The following DEPTOR variants were observed in gnomAD, a reference collection of about 807,000 sequenced individuals.
DEPTOR encodes DEP domain-containing mTOR-interacting protein.
Under a neutral mutation model 41.6 loss-of-function variants are expected in DEPTOR, and 41 were observed. The ratio of observed to expected loss-of-function variants is 0.98; its 90% CI spans 0.77 to 1.28. The LOEUF (loss-of-function observed/expected upper bound fraction) is 1.28. Among genes scored for constraint, DEPTOR ranks in the 50% most tolerant of loss-of-function variants. The pLI, the probability that DEPTOR is intolerant of heterozygous loss-of-function variation, is 0.00. For missense variants in DEPTOR, 514 were observed against 527.9 expected, an observed-to-expected ratio of 0.97 and a Z score of 0.26; for synonymous variants, 195 against 192.3, an observed-to-expected ratio of 1.01 and a Z score of -0.12.
At position 120,015,143 on chromosome 8, in the gene DEPTOR, G is replaced by A. The variant is rs1812589658; in HGVS notation, c.1101+6010G>A. Among the ~76,000 whole-genome samples the A allele has an allele frequency of 5.9e-5, 9 of 152,236 alleles. No homozygotes were observed. The South Asian group carries it at 1.9e-3, about 32-fold the overall frequency. On this transcript the variant is annotated intron_variant, in intron 8 of 8. Transcript: ENST00000286234. ...CATCACAATAGGAATAAACTCAGAT[G>A]TTTTCTGTAGTCTACAAAGTTTATA...
At chr8:120,007,854 G>A (rs1204962404) in intron 7 of DEPTOR, among the ~76,000 whole-genome samples, 2 of 152,218 alleles carry the variant, frequency 1.3e-5, no homozygotes, top group Non-Finnish European at 2.9e-5. Flanking sequence ...TAACGGAAGT[G>A]CCTGAAAATC....
At chr8:119,874,054 T>G in intron 1 of DEPTOR, 86 bp downstream of exon 1, 2 of 1,575,016 alleles carry the variant, frequency 1.3e-6, no homozygotes, top group South Asian at 2.3e-5. Flanking sequence ...GCTCCCTGGC[T>G]CGTGGCTTGC....
chr8:120,003,135 G>T (rs762783059), intron 6 of DEPTOR, 24 bp downstream of exon 6: 9 of 1,607,528 alleles, frequency 5.6e-6, no homozygotes, highest in African/African-American at 1.3e-5. Flanking sequence ...AGGTGGCCCC[G>T]CTCCTAAGAC....
chr8:119,989,901 T>C (rs1232667601), intron 4 of DEPTOR, among the ~76,000 whole-genome samples: 1 of 152,210 alleles, frequency 6.6e-6, no homozygotes, highest in Non-Finnish European at 1.5e-5. Flanking sequence ...ATCGGGCCTT[T>C]GGGTTTAATT....
chr8:119,892,722 G>C (rs893101593), intron 1 of DEPTOR, among the ~76,000 whole-genome samples: 8 of 152,162 alleles, frequency 5.3e-5, no homozygotes, highest in Admixed American at 5.2e-4. Flanking sequence ...TATTTGCTGA[G>C]TCTGCGCTAA....
intron 5 of DEPTOR, 48 bp from the exon 6 acceptor site, chr8:120,002,929 G>T: frequency 6.5e-7 from 1 of 1,540,862 alleles, no homozygotes; most frequent in South Asian, 1.2e-5. Context: ...GCTCTAGTGA[G>T]CCGAGACCAC....
chr8:120,045,778 G>A (rs1411891647), intron 8 of DEPTOR, among the ~76,000 whole-genome samples: 1 of 152,120 alleles, frequency 6.6e-6, no homozygotes, highest in Non-Finnish European at 1.5e-5. Flanking sequence ...TGTCCTTCCC[G>A]TTTGAGATCA....
chr8:119,890,959 G>A (rs1054475916), intron 1 of DEPTOR, among the ~76,000 whole-genome samples: 15 of 152,112 alleles, frequency 9.9e-5, no homozygotes, highest in African/African-American at 3.6e-4. Flanking sequence ...ATGCATTTAG[G>A]TACTAATTCA....
At chr8:119,938,792 G>A (rs1233687629) in intron 3 of DEPTOR, among the ~76,000 whole-genome samples, 1 of 152,038 alleles carries the variant, frequency 6.6e-6, no homozygotes. Flanking sequence ...TTACAGGTGT[G>A]AGCCACCACA....
At chr8:119,938,893 TTC>T (rs1828163315) in intron 3 of DEPTOR, among the ~76,000 whole-genome samples, 1 of 131,056 alleles carries the variant, frequency 7.6e-6, no homozygotes, top group African/African-American at 2.7e-5. Context: ...CTCTCTCTCT[TTC>T]TCTTTCTCTC....
At chr8:119,881,904 A>C (rs1475638701) in intron 1 of DEPTOR, among the ~76,000 whole-genome samples, 1 of 151,536 alleles carries the variant, frequency 6.6e-6, no homozygotes. Flanking sequence ...TTATTTATTT[A>C]TTTTTGAGAT....
At chr8:119,968,271 T>C (rs551356708) in intron 4 of DEPTOR, among the ~76,000 whole-genome samples, 206 of 152,206 alleles carry the variant, frequency 1.4e-3, no homozygotes, top group African/African-American at 4.8e-3. Flanking sequence ...TAGATATTCT[T>C]TTTTTAAAAA....
chr8:120,009,469 C>T (rs1211108198), intron 8 of DEPTOR, among the ~76,000 whole-genome samples: 2 of 151,994 alleles, frequency 1.3e-5, no homozygotes, highest in East Asian at 1.9e-4. Flanking sequence ...AAAAATTAGC[C>T]GGGCGTGGTG....
intron 8 of DEPTOR, among the ~76,000 whole-genome samples, chr8:120,036,381 T>C (rs1812979779): frequency 6.6e-6 from 1 of 152,208 alleles, no homozygotes; most frequent in South Asian, 2.1e-4. Context: ...CCCTATAGCA[T>C]GCTTAAAATG....
At chr8:119,918,589 T>C (rs1231018433) in intron 1 of DEPTOR, among the ~76,000 whole-genome samples, 3 of 152,062 alleles carry the variant, frequency 2.0e-5, no homozygotes, top group Non-Finnish European at 4.4e-5. Flanking sequence ...GCCTCCCGAG[T>C]AGCTGGGACT....
chr8:119,875,402 A>C (rs1827218860), intron 1 of DEPTOR, among the ~76,000 whole-genome samples: 1 of 152,170 alleles, frequency 6.6e-6, no homozygotes, highest in African/African-American at 2.4e-5. Flanking sequence ...GCCCTGTTGT[A>C]AAGAGTAGAG....
chr8:119,875,613 G>T (rs981369325), intron 1 of DEPTOR, among the ~76,000 whole-genome samples: 3 of 152,216 alleles, frequency 2.0e-5, no homozygotes, highest in Non-Finnish European at 2.9e-5. Context: ...CTGAAGACTT[G>T]CGGCAGTACA....
At chr8:119,899,836 T>C (rs1401468417) in intron 1 of DEPTOR, among the ~76,000 whole-genome samples, 2 of 152,206 alleles carry the variant, frequency 1.3e-5, no homozygotes, top group African/African-American at 2.4e-5. Context: ...GTCACAGTTA[T>C]ACAGTTATGT....
chr8:120,032,657 G>T (rs1812910559), intron 8 of DEPTOR, among the ~76,000 whole-genome samples: 1 of 152,184 alleles, frequency 6.6e-6, no homozygotes. Flanking sequence ...GAGCAGAACT[G>T]CATGTGGAGC....
Sources: allele counts gnomAD v4.1 joint callset (sites outside exome capture counted in the v4.1 genomes callset), GRCh38; gene constraint gnomAD v4.1.1; transcripts MANE v1.5; gene names NCBI Gene and HGNC (gene_info 2026-07-23, HGNC 2026-07-21).